The following UNC5C variants were observed in gnomAD, a reference collection of about 807,000 sequenced individuals.
UNC5C encodes netrin receptor UNC5C.
UNC5C carries 47 observed loss-of-function variants against 99.8 expected under a neutral mutation model. The observed-to-expected ratio is 0.47, with a 90% CI of 0.37 to 0.60. The LOEUF is 0.60. Ranked by LOEUF, UNC5C falls within the 20% of genes least tolerant of loss-of-function variation. The pLI, the probability that UNC5C is intolerant of heterozygous loss-of-function variation, is 0.00. For missense variants in UNC5C, 1,062 were observed against 1,165.9 expected (o/e 0.91, Z 1.30); for synonymous variants, 487 against 452.2 (o/e 1.08, Z -0.98).
intron 1 of UNC5C, among the ~76,000 whole-genome samples, chr4:95,542,597 A>G (rs1051080016): frequency 1.3e-5 from 2 of 152,194 alleles, no homozygotes; most frequent in Admixed American, 6.5e-5. Context: ...ATCTCATTAT[A>G]TATGAGCAAC....
At chr4:95,475,236 C>T (rs1229396536) in intron 1 of UNC5C, among the ~76,000 whole-genome samples, 1 of 151,940 alleles carries the variant, frequency 6.6e-6, no homozygotes, top group Non-Finnish European at 1.5e-5. Context: ...TGATGAAAAC[C>T]ACTGGGGACC....
intron 7 of UNC5C, among the ~76,000 whole-genome samples, chr4:95,223,018 T>A (rs1341972618): frequency 1.3e-5 from 2 of 152,128 alleles, no homozygotes; most frequent in Non-Finnish European, 2.9e-5. Context: ...TTCATCTCAA[T>A]AGAAAAATGC....
rs1735778662 is a variant in UNC5C, at chr4:95,164,186, GT to G, written c.*5047del. ...TTAGTCTGCAGAGAAAACCCACCCAGTTCTACACAAAGCCATCTCCCCACTT... is the reference window on the plus strand; with the variant it reads ...TTAGTCTGCAGAGAAAACCCACCCAGTCTACACAAAGCCATCTCCCCACTT... On this transcript the variant is annotated 3_prime_UTR_variant, in exon 16 of 16. Coordinates refer to ENST00000453304, the MANE Select transcript of UNC5C (RefSeq NM_003728.4). The G allele has an allele frequency of 6.6e-6, 1 of 152,136 alleles. No homozygotes were observed. The highest frequency in any genetic ancestry group is 6.5e-5 in the Admixed American group (1 of 15,268). The allele number at this position is 152,136 out of a possible 1,614,324, so 9.4% of individuals were successfully genotyped here. A position where few individuals can be genotyped will look rare whatever the true frequency, so the allele number is the denominator to read the frequency against.
At chr4:95,212,872 A>G (rs1320455128) in intron 10 of UNC5C, among the ~76,000 whole-genome samples, 3 of 152,082 alleles carry the variant, frequency 2.0e-5, no homozygotes, top group Non-Finnish European at 4.4e-5. Context: ...GATTCTCTCC[A>G]TACCCTCTCC....
chr4:95,532,116 G>T (rs1722661750), intron 1 of UNC5C, among the ~76,000 whole-genome samples: 1 of 152,096 alleles, frequency 6.6e-6, no homozygotes, highest in Non-Finnish European at 1.5e-5. Flanking sequence ...CAATTGTCTG[G>T]GGTTTATTTG....
intron 5 of UNC5C, chr4:95,248,160 C>G (rs914007496): frequency 2.3e-5 from 4 of 172,624 alleles, no homozygotes; most frequent in African/African-American, 9.6e-5. Context: ...AAACACACAT[C>G]CATCTGAATG....
In UNC5C at chr4:95,166,334, T is replaced by G. The variant is rs1018237214; in HGVS notation, c.*2900A>C. The G allele has an allele frequency of 2.0e-5, 3 of 152,208 alleles. No homozygotes were observed. The highest frequency in any genetic ancestry group is 7.2e-5 in the African/African-American group (3 of 41,448). 9.4% of individuals were successfully genotyped at this position (152,208 alleles called of 1,614,324 possible). On this transcript the variant is annotated 3_prime_UTR_variant, in exon 16 of 16. Coordinates refer to ENST00000453304, the MANE Select transcript of UNC5C (RefSeq NM_003728.4). ...AGGAGAAGGAAATCAGAATTTGTAG[T>G]GAAAATTATTTGGTATAAATAGTGT...
intron 12 of UNC5C, among the ~76,000 whole-genome samples, chr4:95,189,911 G>A (rs917878747): frequency 1.1e-3 from 163 of 152,264 alleles, no homozygotes; most frequent in African/African-American, 3.7e-3. Flanking sequence ...AACTAGTTCA[G>A]CCATTGTGGA....
In UNC5C at chr4:95,216,068, A is replaced by G. The variant is rs1016337549; in HGVS notation, c.1733+56T>C. On this transcript the variant is annotated intron_variant, in intron 10 of 15. Coordinates refer to ENST00000453304, the MANE Select transcript of UNC5C (RefSeq NM_003728.4). Reference sequence around the variant, plus strand: ...TTGGGTTTATTGTGTCTATTGTACAATTCTCCTCCAAGTTAGACATTGGTA... The same window carrying G: ...TTGGGTTTATTGTGTCTATTGTACAGTTCTCCTCCAAGTTAGACATTGGTA... 31 of 1,472,990 alleles carry G rather than the reference A, an allele frequency of 2.1e-5. 1 individual carries two copies. The African/African-American group carries it at 3.6e-4, about 17-fold the overall frequency. 91.2% of individuals were successfully genotyped at this position (1,472,990 alleles called of 1,614,324 possible).
intron 4 of UNC5C, among the ~76,000 whole-genome samples, chr4:95,275,501 C>T (rs75702264): frequency 0.022 from 3,273 of 152,220 alleles, 95 homozygotes; most frequent in African/African-American, 0.07. Flanking sequence ...TATTTAAATA[C>T]TTTGGCCAAA....
chr4:95,295,361 T>C (rs1489620230), intron 3 of UNC5C, among the ~76,000 whole-genome samples: 3 of 152,186 alleles, frequency 2.0e-5, no homozygotes, highest in African/African-American at 7.2e-5. Flanking sequence ...GGCACTGCTG[T>C]CTTGTTAATG....
At chr4:95,312,874 T>C (rs949018075) in intron 2 of UNC5C, among the ~76,000 whole-genome samples, 4 of 152,284 alleles carry the variant, frequency 2.6e-5, no homozygotes, top group Admixed American at 1.3e-4. Flanking sequence ...CACACAGCCC[T>C]ACAGTCAACG....
intron 1 of UNC5C, among the ~76,000 whole-genome samples, chr4:95,418,652 C>T (rs915485332): frequency 2.6e-5 from 4 of 152,112 alleles, no homozygotes; most frequent in African/African-American, 9.7e-5. Flanking sequence ...CTCTCTGACT[C>T]CTGACCATCT....
intron 1 of UNC5C, among the ~76,000 whole-genome samples, chr4:95,422,524 C>T (rs1055764072): frequency 9.9e-5 from 15 of 151,620 alleles, no homozygotes; most frequent in African/African-American, 2.4e-4. Context: ...CTCCCATACC[C>T]GCCACTGATT....
At chr4:95,424,508 T>TTTTTC (rs1466919274) in intron 1 of UNC5C, among the ~76,000 whole-genome samples, 13 of 145,072 alleles carry the variant, frequency 9.0e-5, no homozygotes, top group South Asian at 4.6e-4. Context: ...CAGAATTTTT[T>TTTTTC]TTTTCTTTTC....
intron 1 of UNC5C, among the ~76,000 whole-genome samples, chr4:95,497,074 G>A (rs1015645996): frequency 4.0e-5 from 6 of 151,724 alleles, no homozygotes; most frequent in Non-Finnish European, 7.4e-5. Context: ...TTATCCACTC[G>A]TTGGTTGATG....
chr4:95,380,499 C>T (rs1335856742), intron 1 of UNC5C, among the ~76,000 whole-genome samples: 6 of 146,912 alleles, frequency 4.1e-5, no homozygotes, highest in Non-Finnish European at 8.9e-5. Context: ...AGGCTGGTCT[C>T]GAACTCCTGG....
chr4:95,450,010 T>A (rs1747235464), intron 1 of UNC5C, among the ~76,000 whole-genome samples: 1 of 152,198 alleles, frequency 6.6e-6, no homozygotes, highest in Non-Finnish European at 1.5e-5. Flanking sequence ...CCTGAACTAT[T>A]CAAGATTTAT....
chr4:95,472,628 A>AGCAC (rs1380568683), intron 1 of UNC5C, among the ~76,000 whole-genome samples: 1 of 152,102 alleles, frequency 6.6e-6, no homozygotes, highest in African/African-American at 2.4e-5. Flanking sequence ...CCCATGGTAC[A>AGCAC]CATATAAATT....
Sources: allele counts gnomAD v4.1 joint callset (sites outside exome capture counted in the v4.1 genomes callset), GRCh38; gene constraint gnomAD v4.1.1; transcripts MANE v1.5; gene names NCBI Gene and HGNC (gene_info 2026-07-23, HGNC 2026-07-21).